The following MAPK4 variants were observed in gnomAD, a reference collection of about 807,000 sequenced individuals.
The protein encoded by MAPK4 is mitogen-activated protein kinase 4.
MAPK4 carries 22 observed loss-of-function variants against 47.7 expected under a neutral mutation model. That is an observed-to-expected ratio of 0.46 (90% CI 0.33 to 0.66). The LOEUF is 0.66. Ranked by LOEUF, MAPK4 falls within the 30% of genes least tolerant of loss-of-function variation. The pLI is 0.02. For synonymous variants in MAPK4, 390 were observed against 365.7 expected (o/e 1.07, Z -0.76); for missense variants, 736 against 831.7 (o/e 0.88, Z 1.42).
chr18:50,617,110 A>T (rs755390970), intron 1 of MAPK4, among the ~76,000 whole-genome samples: 15 of 152,162 alleles, frequency 9.9e-5, no homozygotes, highest in Non-Finnish European at 2.1e-4. Context: ...ATTGTGCAAG[A>T]TGGAGGACCC....
intron 2 of MAPK4, among the ~76,000 whole-genome samples, chr18:50,710,711 C>A (rs1032082238): frequency 1.3e-5 from 2 of 151,960 alleles, no homozygotes; most frequent in African/African-American, 4.8e-5. Context: ...ACCCGGGAGG[C>A]GGAGCTTGCA....
chr18:50,662,626 A>G (rs918287812), intron 1 of MAPK4, among the ~76,000 whole-genome samples: 3 of 152,248 alleles, frequency 2.0e-5, no homozygotes, highest in African/African-American at 7.2e-5. Flanking sequence ...AAAATGTTCA[A>G]AGACATTTGT....
chr18:50,724,846 A>T (rs1334373309), intron 4 of MAPK4, among the ~76,000 whole-genome samples: 1 of 152,174 alleles, frequency 6.6e-6, no homozygotes, highest in East Asian at 1.9e-4. Flanking sequence ...GCTCAGCTCC[A>T]TTTCTCCCTC....
chr18:50,582,449 T>G (rs990983213), intron 1 of MAPK4, among the ~76,000 whole-genome samples: 1 of 152,214 alleles, frequency 6.6e-6, no homozygotes, highest in Non-Finnish European at 1.5e-5. Context: ...CACAGAGATG[T>G]TATGGTTGTT....
chr18:50,663,660 G>T lies in MAPK4; in HGVS notation c.-299G>T, dbSNP rs1009191947. 4.2e-6 allele frequency: 1 copy of T among 240,890 alleles called. No homozygotes were observed. Among genetic ancestry groups the T allele is most frequent in the African/African-American group, 2.2e-5 (1 of 44,898 alleles). The allele number at this position is 240,890 out of a possible 1,614,324, so 14.9% of individuals were successfully genotyped here. A position where few individuals can be genotyped will look rare whatever the true frequency, so the allele number is the denominator to read the frequency against. On this transcript the variant is annotated 5_prime_UTR_variant, in exon 2 of 6. The change creates a premature stop within an existing upstream ORF in the 5' untranslated region. Coordinates refer to ENST00000400384, the MANE Select transcript of MAPK4 (RefSeq NM_002747.4). ...TCTTTCCAAGATGCCAGCTTTAAAAGAAATATGAGCCATTCTAAGCTTTAA... is the reference window on the plus strand; with the variant it reads ...TCTTTCCAAGATGCCAGCTTTAAAATAAATATGAGCCATTCTAAGCTTTAA...
At chr18:50,675,694 G>A (rs1053499636) in intron 2 of MAPK4, among the ~76,000 whole-genome samples, 1 of 152,118 alleles carries the variant, frequency 6.6e-6, no homozygotes, top group Non-Finnish European at 1.5e-5. Flanking sequence ...GTTTCATCAT[G>A]TTGGCCAGGA....
chr18:50,657,700 C>A (rs138608266), intron 1 of MAPK4, among the ~76,000 whole-genome samples: 1 of 151,394 alleles, frequency 6.6e-6, no homozygotes, highest in African/African-American at 2.4e-5. Context: ...TCAGATGTCA[C>A]AGCTTGGGGG....
At chr18:50,692,914 G>A (rs528861394) in intron 2 of MAPK4, among the ~76,000 whole-genome samples, 1 of 152,256 alleles carries the variant, frequency 6.6e-6, no homozygotes, top group Non-Finnish European at 1.5e-5. Context: ...TTTTGCAGGG[G>A]CATCCACCTG....
intron 1 of MAPK4, among the ~76,000 whole-genome samples, chr18:50,588,644 T>A (rs2042408975): frequency 6.6e-6 from 1 of 152,190 alleles, no homozygotes. Flanking sequence ...AGCCTCAACT[T>A]TCCAGGCTCA....
chr18:50,699,948 T>C (rs1173527974), intron 2 of MAPK4, among the ~76,000 whole-genome samples: 1 of 152,216 alleles, frequency 6.6e-6, no homozygotes, highest in African/African-American at 2.4e-5. Flanking sequence ...TCTTAGCACA[T>C]GGGTATGTAT....
intron 1 of MAPK4, among the ~76,000 whole-genome samples, chr18:50,655,143 A>G (rs991972115): frequency 6.6e-6 from 1 of 152,192 alleles, no homozygotes; most frequent in Non-Finnish European, 1.5e-5. Flanking sequence ...TGAGGGAAAC[A>G]CAACCCAGGG....
chr18:50,618,784 A>C (rs767090868), intron 1 of MAPK4, among the ~76,000 whole-genome samples: 1 of 152,154 alleles, frequency 6.6e-6, no homozygotes, highest in Non-Finnish European at 1.5e-5. Flanking sequence ...AAGCGTGACC[A>C]TTATTATGGA....
chr18:50,720,350 C>A (rs1910868949), intron 3 of MAPK4, among the ~76,000 whole-genome samples: 1 of 152,162 alleles, frequency 6.6e-6, no homozygotes, highest in Admixed American at 6.5e-5. Flanking sequence ...TCTGCCAACA[C>A]ACTTGACTCC....
At chr18:50,573,113 G>C (rs936512663) in intron 1 of MAPK4, among the ~76,000 whole-genome samples, 1 of 151,714 alleles carries the variant, frequency 6.6e-6, no homozygotes, top group Non-Finnish European at 1.5e-5. Context: ...GAGGATTGAC[G>C]TGAGGGAAGG....
rs781093343 is a variant in MAPK4, at chr18:50,722,016, T to C, written c.770T>C (p.Leu257Pro). The C allele has an allele frequency of 6.2e-7, 1 of 1,614,000 alleles. No homozygotes were observed. The highest frequency in any genetic ancestry group is 1.1e-5 in the South Asian group (1 of 91,016). The change falls in exon 4 of 6, where the codon CTC becomes CCC. Residue 257 changes from leucine to proline, a missense_variant. Leu to Pro is a moderately conservative substitution (Grantham distance 98, BLOSUM62 -3). Transcript: ENST00000400384. ...CGGGAGGAAGACAAGGACGAGCTGC[T>C]CAGGGTGATGCCTTCCTTTGTCAGC... ...VIREEDKDEL[L>P]RVMPSFVSST...
intron 1 of MAPK4, among the ~76,000 whole-genome samples, chr18:50,586,729 T>C (rs1461522521): frequency 6.6e-6 from 1 of 152,166 alleles, no homozygotes; most frequent in East Asian, 1.9e-4. Flanking sequence ...GTTACCTGTG[T>C]AGAAAATAAA....
intron 1 of MAPK4, among the ~76,000 whole-genome samples, chr18:50,625,927 C>CACATAT (rs1167419602): frequency 2.1e-5 from 2 of 93,370 alleles, no homozygotes; most frequent in Admixed American, 1.0e-4. Flanking sequence ...CACACACACA[C>CACATAT]ATATATAATG....
intron 1 of MAPK4, among the ~76,000 whole-genome samples, chr18:50,597,972 G>A (rs979038061): frequency 1.1e-4 from 17 of 152,156 alleles, no homozygotes; most frequent in Admixed American, 9.8e-4. Context: ...TGAGCTGGGG[G>A]GAAAAACAAG....
At chr18:50,635,631 C>A (rs1191638277) in intron 1 of MAPK4, among the ~76,000 whole-genome samples, 2 of 152,142 alleles carry the variant, frequency 1.3e-5, no homozygotes, top group African/African-American at 4.8e-5. Context: ...GTTAGGAGAC[C>A]AAACTCCTTA....
Sources: gnomAD v4.1 joint callset for allele counts (sites outside exome capture counted in the v4.1 genomes callset) on GRCh38, gnomAD v4.1.1 for gene constraint, MANE v1.5 for transcripts, NCBI Gene and HGNC (gene_info 2026-07-23, HGNC 2026-07-21) for gene names.